The following IL4I1 variants were observed in gnomAD, a reference collection of about 807,000 sequenced individuals.
IL4I1 encodes interleukin 4 induced 1.
A neutral mutation model predicts 29.7 loss-of-function variants in IL4I1; 24 were observed. The observed-to-expected ratio is 0.81, with a 90% confidence interval of 0.59 to 1.14. IL4I1 has a LOEUF of 1.14. Ranked by LOEUF, IL4I1 falls within the 50% of genes most tolerant of loss-of-function variation. The probability of loss-of-function intolerance (pLI) is 0.00; values close to 1 mark genes in which losing one functional copy is unlikely to be tolerated. For missense variants in IL4I1, 686 were observed against 785.6 expected (o/e 0.87, Z 1.52); for synonymous variants, 371 against 352.5 (o/e 1.05, Z -0.59).
rs113175852 is a variant in IL4I1 at position 49,903,830 on chromosome 19, G to GTTTTTTTTT, written c.-105+360_-105+368dup. ...CATATTATACTGTTATATGTGCTGG[G>GTTTTTTTTT]TTTTTTTTTTTTTTTTTTTTTTTTT... On this transcript the variant is annotated intron_variant, in intron 3 of 9. Coordinates refer to the IL4I1 transcript ENST00000341114. 2.7e-4 allele frequency among the ~76,000 whole-genome samples: 18 copies of GTTTTTTTTT among 66,512 alleles called. 5 individuals are homozygous for GTTTTTTTTT. The highest frequency in any genetic ancestry group is 1.0e-3 in the African/African-American group (16 of 15,694). The allele number at this position is 66,512 out of a possible 152,430, so 43.6% of individuals were successfully genotyped here.
At chr19:49,922,658 G>T (rs185443602) in intron 2 of IL4I1, among the ~76,000 whole-genome samples, 2 of 151,800 alleles carry the variant, frequency 1.3e-5, no homozygotes, top group African/African-American at 4.8e-5. Context: ...GTTTGCTGGG[G>T]TTTTCCAGGT....
chr19:49,908,474 T>C (rs934276321), intron 2 of IL4I1: 8 of 1,614,148 alleles, frequency 5.0e-6, no homozygotes, highest in Non-Finnish European at 6.8e-6. Flanking sequence ...GGCCATGCGC[T>C]TGAGCTGTGC....
At chr19:49,898,909 C>T (rs2075245366), upstream of IL4I1, among the ~76,000 whole-genome samples, 1 of 152,088 alleles carries the variant, frequency 6.6e-6, no homozygotes, top group Admixed American at 6.6e-5. Context: ...AACAACAATG[C>T]CTGCATTTGA....
intron 2 of IL4I1, among the ~76,000 whole-genome samples, chr19:49,920,521 C>G (rs928179706): frequency 6.6e-6 from 1 of 152,216 alleles, no homozygotes; most frequent in African/African-American, 2.4e-5. Flanking sequence ...TAAAGCCACT[C>G]AACCAACCAA....
In IL4I1 at chr19:49,891,542, CCACACTCGGCTT is replaced by C. The variant is rs1292843438; in HGVS notation, c.568-81_568-70del. 6 of 1,367,900 alleles carry C rather than the reference CCACACTCGGCTT, an allele frequency of 4.4e-6. No individual in the cohort carries two copies. In the African/African-American group the frequency reaches 7.1e-5, roughly 16 times the overall value. The allele number at this position is 1,367,900 out of a possible 1,614,324, so 84.7% of individuals were successfully genotyped here. Reference sequence around the variant, plus strand: ...CCAGGGTGGAGGCCGGGCCTGGAGCCCACACTCGGCTTCTCCTCGTGGTTCTGCCCACGGCTG... The same window carrying C: ...CCAGGGTGGAGGCCGGGCCTGGAGCCCTCCTCGTGGTTCTGCCCACGGCTG... On this transcript the variant is annotated intron_variant, in intron 5 of 7. Transcript: ENST00000391826.
At chr19:49,928,535 GT>G (rs2075969136) in intron 1 of IL4I1, 1 of 120,654 alleles carries the variant, frequency 8.3e-6, no homozygotes. Context: ...AAAAAAAACA[GT>G]TGAACAGGAA....
At chr19:49,927,219 G>A (rs530837911) in intron 2 of IL4I1, among the ~76,000 whole-genome samples, 4 of 152,054 alleles carry the variant, frequency 2.6e-5, no homozygotes, top group Non-Finnish European at 4.4e-5. Context: ...GCACAGGGAA[G>A]GGAAATGGCC....
At position 49,890,279 on chromosome 19, in the gene IL4I1, G is replaced by A; in HGVS notation, c.1095C>T (p.Arg365=). 6.3e-7 allele frequency: 1 copy of A among 1,594,454 alleles called. No individual in the cohort carries two copies. The highest frequency in any genetic ancestry group is 8.5e-7 in the Non-Finnish European group (1 of 1,171,398). ...VFLSFRRPFW[R]EEHIEGGHSN... ...AGTGGCCGCCTTCAATGTGCTCCTC[G>A]CGCCAGAAGGGCCTGCGGAAGCTTA... is the stretch of plus-strand genomic sequence containing the variant. The change falls in exon 8 of 8, where the codon CGC becomes CGT. Residue 365 remains arginine (R), a synonymous_variant. Coordinates refer to ENST00000391826, the MANE Select transcript of IL4I1 (RefSeq NM_152899.2).
At chr19:49,925,895 T>A (rs1374756899) in intron 2 of IL4I1, among the ~76,000 whole-genome samples, 2 of 152,092 alleles carry the variant, frequency 1.3e-5, no homozygotes, top group South Asian at 2.1e-4. Flanking sequence ...CTACAATTAT[T>A]CCAAAATAAA....
chr19:49,912,885 C>T (rs1476120202), intron 2 of IL4I1: 3 of 152,196 alleles, frequency 2.0e-5, no homozygotes, highest in African/African-American at 7.2e-5. Context: ...GAAAGGAGAC[C>T]TACCATTACT....
At chr19:49,896,725 C>G (rs1006990905) in intron 1 of IL4I1, 110 bp downstream of exon 1, 1 of 663,890 alleles carries the variant, frequency 1.5e-6, no homozygotes, top group African/African-American at 2.0e-5. Context: ...TGAGCCCCCG[C>G]GCCCGGCCTC....
chr19:49,905,730 G>A (rs944933503), intron 2 of IL4I1, among the ~76,000 whole-genome samples: 10 of 152,128 alleles, frequency 6.6e-5, no homozygotes, highest in African/African-American at 2.4e-4. Flanking sequence ...CCGAGTAGCT[G>A]GGATTACAGG....
At chr19:49,891,540 GC>G in intron 5 of IL4I1, 67 bp from the exon 6 acceptor site, 3 of 1,380,948 alleles carry the variant, frequency 2.2e-6, no homozygotes, top group Non-Finnish European at 3.1e-6. Flanking sequence ...CGGGCCTGGA[GC>G]CCACACTCGG....
At chr19:49,899,149 C>T (rs934271512), upstream of IL4I1, among the ~76,000 whole-genome samples, 6 of 152,222 alleles carry the variant, frequency 3.9e-5, no homozygotes, top group Non-Finnish European at 8.8e-5. Flanking sequence ...CCCAGGTCCC[C>T]GGCCCCTGCC....
At chr19:49,901,154 C>T (rs1367751771), upstream of IL4I1, among the ~76,000 whole-genome samples, 1 of 152,118 alleles carries the variant, frequency 6.6e-6, no homozygotes, top group Non-Finnish European at 1.5e-5. Context: ...CCGAGGTGGG[C>T]GGGCAGATCA....
chr19:49,928,857 G>A (rs910201195), intron 1 of IL4I1: 1 of 152,282 alleles, frequency 6.6e-6, no homozygotes, highest in South Asian at 2.1e-4. Context: ...TGCGGGAAGA[G>A]AATGAGGCTG....
intron 3 of IL4I1, among the ~76,000 whole-genome samples, chr19:49,902,713 C>T (rs1285101651): frequency 1.3e-5 from 2 of 151,650 alleles, no homozygotes; most frequent in Non-Finnish European, 2.9e-5. Context: ...CTCTGTAATC[C>T]CAGCTACTCA....
At chr19:49,923,861 CGGAA>C (rs2075821568) in intron 2 of IL4I1, among the ~76,000 whole-genome samples, 1 of 152,216 alleles carries the variant, frequency 6.6e-6, no homozygotes. Context: ...ACCCACGCTG[CGGAA>C]GGCAGCCGAG....
In IL4I1 at chr19:49,895,144, G is replaced by A. The variant is rs150016115; in HGVS notation, c.289C>T (p.Arg97Cys). Residue 97 changes from arginine (R) to cysteine (C), a missense_variant, in exon 4 of 8, where the codon CGC becomes TGC. Coordinates refer to ENST00000391826, the MANE Select transcript of IL4I1 (RefSeq NM_152899.2). Reference protein sequence around the residue: ...ILEADNRIGGRIFTYRDQNTG... With the variant: ...ILEADNRIGGCIFTYRDQNTG... Reference sequence around the variant, plus strand: ...TTCTGGTCCCGGTAGGTGAAGATGCGGCCCCCGATCCTGTTATCTGCCTCC... The same window carrying A: ...TTCTGGTCCCGGTAGGTGAAGATGCAGCCCCCGATCCTGTTATCTGCCTCC... 19 of 1,613,688 alleles carry A rather than the reference G, an allele frequency of 1.2e-5. No homozygotes were observed. Among genetic ancestry groups the A allele is most frequent in the East Asian group, 2.2e-5 (1 of 44,890 alleles).
Sources: allele counts gnomAD v4.1 joint callset (sites outside exome capture counted in the v4.1 genomes callset), GRCh38; gene constraint gnomAD v4.1.1; transcripts MANE v1.5; gene names NCBI Gene and HGNC (gene_info 2026-07-23, HGNC 2026-07-21).